STK31: variants seen among roughly 807,000 people sequenced by gnomAD.
The protein encoded by STK31 is serine/threonine-protein kinase 31.
A neutral mutation model predicts 129.7 loss-of-function variants in STK31; 89 were observed. The observed-to-expected ratio is 0.69, with a 90% CI of 0.58 to 0.82. STK31 has a LOEUF of 0.82. Among genes scored for constraint, STK31 ranks in the 40% least tolerant of loss-of-function variants. The probability of loss-of-function intolerance (pLI) is 0.00; values close to 1 mark genes in which losing one functional copy is unlikely to be tolerated. For synonymous variants in STK31, 448 were observed against 395.3 expected, an observed-to-expected ratio of 1.13 and a Z score of -1.58; for missense variants, 1,187 against 1,176.4, an observed-to-expected ratio of 1.01 and a Z score of -0.13.
intron 15 of STK31, among the ~76,000 whole-genome samples, chr7:23,774,393 C>T (rs1790403513): frequency 6.6e-6 from 1 of 152,214 alleles, no homozygotes; most frequent in African/African-American, 2.4e-5. Flanking sequence ...TTTACAGTCC[C>T]ACCAACAGTG....
chr7:23,745,246 G>A (rs777423255), intron 8 of STK31, among the ~76,000 whole-genome samples: 1 of 152,172 alleles, frequency 6.6e-6, no homozygotes, highest in Non-Finnish European at 1.5e-5. Flanking sequence ...CTTGGGTGGT[G>A]TGCTCAGACA....
At chr7:23,802,052 A>G (rs1180631072) in intron 22 of STK31, among the ~76,000 whole-genome samples, 1 of 151,996 alleles carries the variant, frequency 6.6e-6, no homozygotes, top group African/African-American at 2.4e-5. Flanking sequence ...ACCTTATTTT[A>G]TTTTATTGAG....
Position 23,735,686 on chromosome 7 carries a change from A to T in STK31, c.632A>T (p.Lys211Ile). The change falls in exon 7 of 24, where the codon AAA becomes ATA. Residue 211 changes from lysine to isoleucine, a missense_variant. Around this residue, in one of 5 missense-constraint regions of STK31, gnomAD observed 975 missense variants for 934.9 expected, o/e 1.04. Coordinates refer to ENST00000355870, the MANE Select transcript of STK31 (RefSeq NM_031414.5). ...GTGCTTAAGAAAGGATTTGCAGAGA[A>T]ATGCAGACTTGCTTCCAGAACTGAC... ...EEVLKKGFAE[K>I]CRLASRTDIC... The T allele has an allele frequency of 6.2e-7, 1 of 1,614,070 alleles. No homozygotes were observed. Among genetic ancestry groups the T allele is most frequent in the South Asian group, 1.1e-5 (1 of 91,078 alleles).
At chr7:23,779,103 G>T (rs1455160035) in intron 15 of STK31, among the ~76,000 whole-genome samples, 1 of 152,172 alleles carries the variant, frequency 6.6e-6, no homozygotes, top group Admixed American at 6.5e-5. Context: ...CCCCTCTGCT[G>T]CAGGTTTGCT....
At chr7:23,727,561 T>C in intron 5 of STK31, 3 of 223,720 alleles carry the variant, frequency 1.3e-5, no homozygotes, top group East Asian at 1.1e-4. Flanking sequence ...CAGTTCTTTT[T>C]TTTTTTTTTT....
At position 23,724,533 on chromosome 7, in the gene STK31, C is replaced by A. The variant is rs530329596; in HGVS notation, c.250-2708C>A. ...TGGACACAAGTGTTCCCAGCCCTGC[C>A]TCACCTGGTTTGCAATAAACCATTG... is the stretch of plus-strand genomic sequence containing the variant. On this transcript the variant is annotated intron_variant, in intron 4 of 23. Coordinates refer to ENST00000355870, the MANE Select transcript of STK31 (RefSeq NM_031414.5). Among the ~76,000 whole-genome samples, 13 of 152,308 alleles carry A rather than the reference C, an allele frequency of 8.5e-5. No homozygotes were observed. The South Asian group carries it at 2.7e-3, about 32-fold the overall frequency.
At chr7:23,768,197 A>C (rs1789950415) in intron 11 of STK31, among the ~76,000 whole-genome samples, 1 of 152,158 alleles carries the variant, frequency 6.6e-6, no homozygotes. Context: ...CTGTGTTTAC[A>C]TAGGCAATCA....
At chr7:23,789,088 A>T (rs1791467597) in intron 21 of STK31, among the ~76,000 whole-genome samples, 2 of 152,192 alleles carry the variant, frequency 1.3e-5, no homozygotes, top group African/African-American at 4.8e-5. Flanking sequence ...TTCACTTAGC[A>T]TAGTGTTTTC....
intron 16 of STK31, among the ~76,000 whole-genome samples, chr7:23,782,471 C>CAAAAAAAAAA (rs66962254): frequency 7.3e-4 from 62 of 84,402 alleles, no homozygotes; most frequent in Non-Finnish European, 1.0e-3. Context: ...GACCCTGTCT[C>CAAAAAAAAAA]AAAAAAAAAA....
chr7:23,728,875 TAGTAACA>T (rs1562553277), intron 5 of STK31, among the ~76,000 whole-genome samples: 1 of 152,164 alleles, frequency 6.6e-6, no homozygotes, highest in African/African-American at 2.4e-5. Context: ...GGAATTTAAC[TAGTAACA>T]AGTAAAGAAA....
chr7:23,759,040 A>G (rs1431433657), intron 10 of STK31, among the ~76,000 whole-genome samples: 1 of 152,248 alleles, frequency 6.6e-6, no homozygotes, highest in Non-Finnish European at 1.5e-5. Context: ...AAAAAAAGAC[A>G]AAGGCATTAC....
At chr7:23,822,692 T>C (rs1439892046) in intron 23 of STK31, among the ~76,000 whole-genome samples, 1 of 152,172 alleles carries the variant, frequency 6.6e-6, no homozygotes, top group Non-Finnish European at 1.5e-5. Flanking sequence ...CATGTTGGTG[T>C]GCTGCACCCA....
At chr7:23,712,701 G>C (rs1786050180) in intron 3 of STK31, among the ~76,000 whole-genome samples, 1 of 152,042 alleles carries the variant, frequency 6.6e-6, no homozygotes, top group Admixed American at 6.6e-5. Context: ...TTGAGATGTG[G>C]TATTTTTCTC....
Position 23,769,063 on chromosome 7 carries a change from TAAAAA to T in STK31, c.1487_1491del (p.Lys496IlefsTer3). On this transcript the variant is annotated frameshift_variant, in exon 12 of 24. Transcript: ENST00000355870. LOFTEE classifies it high-confidence loss of function. ...AAGGAGCAAATTCTGATGAAATACTTAAAAAATTTTATGACTGGAAGTGTGATAAA... is the reference window on the plus strand; with the variant it reads ...AAGGAGCAAATTCTGATGAAATACTTATTTTATGACTGGAAGTGTGATAAA... The T allele has an allele frequency of 6.2e-7, 1 of 1,613,238 alleles. No homozygotes were observed. Among genetic ancestry groups the T allele is most frequent in the Non-Finnish European group, 8.5e-7 (1 of 1,179,452 alleles).
chr7:23,770,805 A>G lies in STK31; in HGVS notation c.1714-200A>G, dbSNP rs528503417. 1.1e-4 allele frequency among the ~76,000 whole-genome samples: 17 copies of G among 152,170 alleles called. No individual in the cohort carries two copies. In the South Asian group the frequency reaches 1.5e-3, roughly 13 times the overall value. ...TTTTTTTTTAGGGACTGGTCTCACT[A>G]TGTTGCCTGGCTGCCATATGAACAT... On this transcript the variant is annotated intron_variant, in intron 13 of 23. Transcript: ENST00000355870.
chr7:23,725,757 T>C (rs1280471101), intron 4 of STK31: 1 of 152,182 alleles, frequency 6.6e-6, no homozygotes, highest in African/African-American at 2.4e-5. Context: ...ACTTCGCATG[T>C]TTATGTTTTA....
Position 23,712,077 on chromosome 7 carries a change from CTAATT to C in STK31, c.51-18_51-14del, listed in dbSNP as rs776848069. ...ATTATTAATGGTGGATTATTGTAAT[CTAATT>C]TAAGGTATTGTTCTAGTTTTTCAGG... On this transcript the variant is annotated splice_polypyrimidine_tract_variant and intron_variant, in intron 1 of 23. Transcript: ENST00000355870. 82 of 1,567,878 alleles carry C rather than the reference CTAATT, an allele frequency of 5.2e-5. No individual in the cohort carries two copies. The highest frequency in any genetic ancestry group is 3.5e-4 in the Middle Eastern group (2 of 5,646).
At chr7:23,753,858 T>C (rs1424534126) in intron 9 of STK31, among the ~76,000 whole-genome samples, 1 of 152,166 alleles carries the variant, frequency 6.6e-6, no homozygotes, top group Non-Finnish European at 1.5e-5. Flanking sequence ...TTTTTGTGAC[T>C]AAAAATATGC....
intron 22 of STK31, among the ~76,000 whole-genome samples, chr7:23,794,472 G>A (rs1374109326): frequency 6.6e-6 from 1 of 152,188 alleles, no homozygotes; most frequent in Non-Finnish European, 1.5e-5. Flanking sequence ...AGTGGTGTGA[G>A]AAGGGACCAG....
Sources: allele counts gnomAD v4.1 joint callset (sites outside exome capture counted in the v4.1 genomes callset), GRCh38; gene constraint gnomAD v4.1.1; regional missense constraint gnomAD v4.1.1; transcripts MANE v1.5; gene names NCBI Gene and HGNC (gene_info 2026-07-23, HGNC 2026-07-21).